Variants in TULP1 observed in about 807,000 individuals in gnomAD.
TULP1 encodes the protein TUB like protein 1.
Under a neutral mutation model 67.1 loss-of-function variants are expected in TULP1, and 50 were observed. That is an observed-to-expected ratio of 0.75 (90% CI 0.59 to 0.94). TULP1 has a LOEUF of 0.94. Ranked by LOEUF, TULP1 falls within the 40% of genes least tolerant of loss-of-function variation. TULP1 has a pLI of 0.00. For synonymous variants in TULP1, 297 were observed against 294.0 expected, an observed-to-expected ratio of 1.01 and a Z score of -0.11; for missense variants, 746 against 734.1, an observed-to-expected ratio of 1.02 and a Z score of -0.19.
chr6:35,499,064 G>T (rs780020257), intron 14 of TULP1, among the ~76,000 whole-genome samples: 1 of 152,190 alleles, frequency 6.6e-6, no homozygotes, highest in African/African-American at 2.4e-5. Flanking sequence ...TGGCACTGGG[G>T]GCACATCCCT....
intron 1 of TULP1, 40 bp from the exon 2 acceptor site, chr6:35,512,730 T>TACCAACCCCAAA: frequency 3.1e-6 from 5 of 1,596,606 alleles, no homozygotes; most frequent in Non-Finnish European, 2.6e-6. Context: ...CCCTTCCCCT[T>TACCAACCCCAAA]CCCTCCCCAT....
rs1581735836 is a variant in TULP1 at position 35,499,978 on chromosome 6, C to CA, written c.1495+2dup. The stretch of plus-strand genomic sequence containing the variant: ...AGCCAGACCTGGGCCCTCAGGTACT[C>CA]ACGGTCATCAGCGTGGACAATCTGG... On this transcript the variant is annotated splice_region_variant and intron_variant, in intron 14 of 14. Transcript: ENST00000229771. 1 of 1,613,968 alleles carries CA rather than the reference C, an allele frequency of 6.2e-7. No individual in the cohort carries two copies. The highest frequency in any genetic ancestry group is 8.5e-7 in the Non-Finnish European group (1 of 1,180,006).
At chr6:35,512,769 G>A (rs752257590) in intron 1 of TULP1, 43 bp downstream of exon 1, 2 of 1,539,246 alleles carry the variant, frequency 1.3e-6, no homozygotes, top group Non-Finnish European at 1.8e-6. Flanking sequence ...CTCCATCTAG[G>A]CCCCCCAGGG....
Position 35,509,661 on chromosome 6 carries a change from G to C in TULP1, c.691C>G (p.Pro231Ala). 6.2e-7 allele frequency: 1 copy of C among 1,614,060 alleles called. No individual in the cohort carries two copies. Among genetic ancestry groups the C allele is most frequent in the Non-Finnish European group, 8.5e-7 (1 of 1,180,016 alleles). Residue 231 changes from proline to alanine, a missense_variant, in exon 7 of 15, where the codon CCT becomes GCT. By Grantham distance (27) the Pro-to-Ala change is conservative. Transcript: ENST00000229771. ...AAMFLVGEGSPDKKALKKKGT... is the reference protein window; with the variant it reads ...AAMFLVGEGSADKKALKKKGT... The stretch of plus-strand genomic sequence containing the variant: ...TTCTTCTTCAGGGCTTTCTTGTCAG[G>C]ACTGCCTTCCCCAACCAGAAACATG...
At chr6:35,508,964 G>A (rs1200596594) in intron 8 of TULP1, among the ~76,000 whole-genome samples, 1 of 152,150 alleles carries the variant, frequency 6.6e-6, no homozygotes, top group African/African-American at 2.4e-5. Flanking sequence ...GCTCCAGAGG[G>A]GAGGCCTCAG....
rs1768769649 is a variant in TULP1, at chr6:35,498,922, C to A, written c.1496-462G>T. On this transcript the variant is annotated intron_variant, in intron 14 of 14. Transcript: ENST00000229771. This position sits in a 1 kb window ranked among gnomAD's most constrained non-coding sequence, Gnocchi z 6.7. ...ACCTCTCCCTTCAATGATCCAGGTT[C>A]CCAGCCCCAACCTCAGCACCTCCCC... Among the ~76,000 whole-genome samples the A allele has an allele frequency of 6.6e-6, 1 of 152,126 alleles. No homozygotes were observed.
At position 35,503,571 on chromosome 6, in the gene TULP1, G is replaced by T. The variant is rs1264118354; in HGVS notation, c.1311C>A (p.Ile437=). The T allele has an allele frequency of 3.2e-6, 5 of 1,576,532 alleles. No individual in the cohort carries two copies. Among genetic ancestry groups the T allele is most frequent in the Non-Finnish European group, 4.3e-6 (5 of 1,161,180 alleles). ...GTGCGGGGCTCACATTTCGGGGCCG[G>T]ATGGGGACCCTCTCGTTCTCCGCAC... ...GMSAENERVP[I]RPRNASDGLL... Residue 437 remains isoleucine (I), a synonymous_variant, in exon 13 of 15, where the codon ATC becomes ATA. Coordinates refer to ENST00000229771, the MANE Select transcript of TULP1 (RefSeq NM_003322.6). The surrounding 1 kb of genome is among the most constrained non-coding windows in gnomAD (Gnocchi z 4.0).
At chr6:35,507,119 A>C (rs1291925944) in intron 8 of TULP1, among the ~76,000 whole-genome samples, 3 of 151,776 alleles carry the variant, frequency 2.0e-5, no homozygotes, top group African/African-American at 7.3e-5. Flanking sequence ...AGGTTAGGTC[A>C]TAAAAGATAT....
At chr6:35,505,920 A>G (rs1761071628) in intron 10 of TULP1, 67 bp from the exon 11 acceptor site, 1 of 1,614,144 alleles carries the variant, frequency 6.2e-7, no homozygotes, top group Non-Finnish European at 8.5e-7. Flanking sequence ...GGTGAGCTGC[A>G]GGGAGAAATC....
rs922369209 is a variant in TULP1, at chr6:35,508,087, C to T, written c.822+1122G>A. 3.3e-5 allele frequency among the ~76,000 whole-genome samples: 5 copies of T among 152,286 alleles called. No individual in the cohort carries two copies. In the East Asian group the frequency reaches 9.7e-4, roughly 29 times the overall value. ...CCATCTGCCTCCTCCTCCCAAAGTG[C>T]TGGGATTACAGGCATGAGCCACTTT... is the stretch of plus-strand genomic sequence containing the variant. On this transcript the variant is annotated intron_variant, in intron 8 of 14. Transcript: ENST00000229771.
In TULP1 at chr6:35,505,856, G is replaced by A; in HGVS notation, c.1000-3C>T. ...TTCCTGCCAGCCAAGAGGAACACCTGGGGAAAAGGGGAGACAGGTGAGAGG... is the reference window on the plus strand; with the variant it reads ...TTCCTGCCAGCCAAGAGGAACACCTAGGGAAAAGGGGAGACAGGTGAGAGG... On this transcript the variant is annotated splice_polypyrimidine_tract_variant and splice_region_variant and intron_variant, in intron 10 of 14. Transcript: ENST00000229771. 1 of 1,614,186 alleles carries A rather than the reference G, an allele frequency of 6.2e-7. No individual in the cohort carries two copies. The highest frequency in any genetic ancestry group is 8.5e-7 in the Non-Finnish European group (1 of 1,180,038).
intron 5 of TULP1, 136 bp from the exon 6 acceptor site, chr6:35,510,064 C>CTTT: frequency 3.4e-6 from 2 of 592,508 alleles, no homozygotes; most frequent in Non-Finnish European, 5.5e-6. Context: ...CCTTCTTTTT[C>CTTT]TTTTTTTTTT....
At chr6:35,499,642 C>T (rs971284335) in intron 14 of TULP1, among the ~76,000 whole-genome samples, 2 of 152,136 alleles carry the variant, frequency 1.3e-5, no homozygotes, top group African/African-American at 4.8e-5. Flanking sequence ...TCTCTTTGAA[C>T]AAAGAGGAGT....
At chr6:35,510,058 C>A in intron 5 of TULP1, 130 bp from the exon 6 acceptor site, 2 of 799,672 alleles carry the variant, frequency 2.5e-6, no homozygotes, top group Non-Finnish European at 4.0e-6. Flanking sequence ...AGCCTGCCTT[C>A]TTTTTCTTTT....
At chr6:35,510,679 A>G (rs568662574) in intron 5 of TULP1, 182 bp downstream of exon 5, 2 of 1,368,410 alleles carry the variant, frequency 1.5e-6, no homozygotes, top group Non-Finnish European at 2.0e-6. Context: ...GGGTGGAGGC[A>G]TATATTGGTC....
intron 2 of TULP1, 21 bp from the exon 3 acceptor site, chr6:35,512,291 G>T: frequency 7.5e-7 from 1 of 1,339,210 alleles, no homozygotes; most frequent in Non-Finnish European, 9.8e-7. Flanking sequence ...GGGGTCAAGA[G>T]GAGGTCGAGG....
chr6:35,498,144 C>A lies in TULP1; in HGVS notation c.*183G>T, dbSNP rs1335645513. ...ATCTCCGTCCTACCCGCCGTCCGGGCTCCTCCTGCCTCGGCCTGTGCCAGG... is the reference window on the plus strand; with the variant it reads ...ATCTCCGTCCTACCCGCCGTCCGGGATCCTCCTGCCTCGGCCTGTGCCAGG... On this transcript the variant is annotated 3_prime_UTR_variant, in exon 15 of 15. Coordinates refer to ENST00000229771, the MANE Select transcript of TULP1 (RefSeq NM_003322.6). This position sits in a 1 kb window ranked among gnomAD's most constrained non-coding sequence, Gnocchi z 6.7. The A allele has an allele frequency of 3.0e-6, 3 of 986,990 alleles. No homozygotes were observed. Among genetic ancestry groups the A allele is most frequent in the Non-Finnish European group, 2.9e-6 (2 of 687,182 alleles). 61.1% of individuals were successfully genotyped at this position (986,990 alleles called of 1,614,324 possible).
chr6:35,512,376 C>G, intron 2 of TULP1, 106 bp from the exon 3 acceptor site: 1 of 696,622 alleles, frequency 1.4e-6, no homozygotes, highest in South Asian at 2.0e-5. Flanking sequence ...GCAGATTATC[C>G]GGGGGGAACT....
intron 5 of TULP1, among the ~76,000 whole-genome samples, chr6:35,510,433 G>A (rs148609918): frequency 5.1e-4 from 77 of 152,152 alleles, no homozygotes; most frequent in Non-Finnish European, 6.6e-4. Context: ...AGAGGCCCAA[G>A]GTCCTAGCTC....
Sources: allele counts gnomAD v4.1 joint callset (sites outside exome capture counted in the v4.1 genomes callset), GRCh38; gene constraint gnomAD v4.1.1; non-coding constraint Gnocchi (gnomAD v3.1); transcripts MANE v1.5; gene names NCBI Gene and HGNC (gene_info 2026-07-23, HGNC 2026-07-21).